Variants in LPIN1 observed in about 807,000 individuals in gnomAD.
The protein encoded by LPIN1 is lipin 1.
In LPIN1, 71 loss-of-function variants were observed where a neutral mutation model predicts 107.5. The observed-to-expected ratio is 0.66, with a 90% confidence interval of 0.55 to 0.80. LPIN1 has a LOEUF of 0.80. LPIN1 is among the 30% of genes least tolerant of loss of function. The pLI, the probability that LPIN1 is intolerant of heterozygous loss-of-function variation, is 0.00. For missense variants in LPIN1, 1,043 were observed against 1,160.6 expected (o/e 0.90, Z 1.47); for synonymous variants, 445 against 452.6 (o/e 0.98, Z 0.21).
intron 1 of LPIN1, among the ~76,000 whole-genome samples, chr2:11,678,748 C>T (rs944952748): frequency 2.0e-5 from 3 of 152,194 alleles, no homozygotes; most frequent in East Asian, 1.9e-4. Flanking sequence ...AGAAAGGAGG[C>T]GTGGATCCTG....
At chr2:11,795,522 C>G (rs1299211921) in intron 14 of LPIN1, 35 bp downstream of exon 14, 1 of 1,581,226 alleles carries the variant, frequency 6.3e-7, no homozygotes, top group East Asian at 2.2e-5. Context: ...GTTTGCAGCC[C>G]CTTTCCGCAT....
intron 1 of LPIN1, among the ~76,000 whole-genome samples, chr2:11,749,217 T>C (rs769701040): frequency 6.6e-6 from 1 of 152,144 alleles, no homozygotes; most frequent in Non-Finnish European, 1.5e-5. Flanking sequence ...CAGGTGCCTA[T>C]CGGATGGCTG....
At chr2:11,813,319 A>G (rs1209232653) in intron 17 of LPIN1, among the ~76,000 whole-genome samples, 1 of 152,224 alleles carries the variant, frequency 6.6e-6, no homozygotes, top group Non-Finnish European at 1.5e-5. Context: ...ATTCAAAATG[A>G]TATCACTTAG....
chr2:11,714,002 G>A lies in LPIN1; in HGVS notation c.138+190G>A, dbSNP rs1467000649. On this transcript the variant is annotated intron_variant, in intron 2 of 21. Coordinates refer to the LPIN1 transcript ENST00000449576. ...GGATGCTTGATTAGCTCCCCATGGA[G>A]CTGTGAACATTTTGGCTGGTTTCTA... is the stretch of plus-strand genomic sequence containing the variant. Among the ~76,000 whole-genome samples the A allele has an allele frequency of 2.0e-5, 3 of 152,202 alleles. No homozygotes were observed. The East Asian group carries it at 5.8e-4, about 29-fold the overall frequency.
At chr2:11,820,651 T>G (rs1357712047) in intron 20 of LPIN1, 137 bp downstream of exon 20, 3 of 660,980 alleles carry the variant, frequency 4.5e-6, no homozygotes, top group Non-Finnish European at 8.1e-6. Flanking sequence ...AAAAATGTAT[T>G]TTAACTCCTT....
intron 14 of LPIN1, among the ~76,000 whole-genome samples, chr2:11,799,355 T>A (rs1677282502): frequency 6.6e-6 from 1 of 151,872 alleles, no homozygotes; most frequent in Admixed American, 6.6e-5. Context: ...GAGCTTTGCT[T>A]CACATTTGGA....
intron 18 of LPIN1, chr2:11,816,219 C>T (rs978316391): frequency 2.0e-5 from 3 of 152,060 alleles, no homozygotes; most frequent in Non-Finnish European, 2.9e-5. Flanking sequence ...AGCTTTTTTC[C>T]TGTAGTAAAA....
chr2:11,766,477 G>A (rs576608255), intron 2 of LPIN1, among the ~76,000 whole-genome samples: 21 of 152,276 alleles, frequency 1.4e-4, no homozygotes, highest in Middle Eastern at 3.4e-3. Context: ...TTGAGGAAGG[G>A]GCAAAGAGAC....
At chr2:11,679,798 TG>T (rs1390528528) in intron 1 of LPIN1, among the ~76,000 whole-genome samples, 1 of 152,228 alleles carries the variant, frequency 6.6e-6, no homozygotes, top group African/African-American at 2.4e-5. Flanking sequence ...TGAAGGGTGA[TG>T]GGGGCCGGGG....
intron 1 of LPIN1, among the ~76,000 whole-genome samples, chr2:11,763,866 C>T (rs986925392): frequency 5.4e-5 from 8 of 148,382 alleles, no homozygotes; most frequent in East Asian, 2.0e-4. Context: ...CCTCCAAGCC[C>T]GCCTCCAGCG....
At chr2:11,776,681 T>C (rs1274625469) in intron 6 of LPIN1, among the ~76,000 whole-genome samples, 1 of 152,246 alleles carries the variant, frequency 6.6e-6, no homozygotes, top group African/African-American at 2.4e-5. Context: ...TCAGACACTT[T>C]CCACAGCATT....
intron 13 of LPIN1, 135 bp from the exon 14 acceptor site, chr2:11,795,273 C>T (rs187012405): frequency 3.6e-5 from 27 of 747,350 alleles, no homozygotes; most frequent in East Asian, 2.7e-4. Flanking sequence ...CCTGGGCGAT[C>T]GCTAGGGTGG....
chr2:11,788,703 A>G (rs545751187), intron 12 of LPIN1, among the ~76,000 whole-genome samples: 67 of 152,284 alleles, frequency 4.4e-4, no homozygotes, highest in African/African-American at 1.6e-3. Context: ...TCCTTTCTCA[A>G]TATCTGCCAT....
rs1678085336 is a variant in LPIN1, at chr2:11,803,188, C to A, written c.2013+155C>A. ...AACTGGGTACCCGCTGTTTCCACCC[C>A]AACTCCAGCACTATCCAGGCTGGGT... On this transcript the variant is annotated intron_variant, in intron 15 of 20. Coordinates refer to ENST00000674199, the MANE Select transcript of LPIN1 (RefSeq NM_001349206.2). This position sits in a 1 kb window ranked among gnomAD's most constrained non-coding sequence, Gnocchi z 4.2. Among the ~76,000 whole-genome samples, 1 of 152,232 alleles carries A rather than the reference C, an allele frequency of 6.6e-6. No individual in the cohort carries two copies. Among genetic ancestry groups the A allele is most frequent in the Admixed American group, 6.5e-5 (1 of 15,286 alleles).
At chr2:11,694,426 T>C (rs1332903367) in intron 1 of LPIN1, among the ~76,000 whole-genome samples, 1 of 152,182 alleles carries the variant, frequency 6.6e-6, no homozygotes, top group Non-Finnish European at 1.5e-5. Context: ...TGCTCCAGCA[T>C]CTTGGTAAAG....
intron 6 of LPIN1, chr2:11,777,242 G>A (rs1050394533): frequency 6.6e-6 from 1 of 152,150 alleles, no homozygotes; most frequent in Non-Finnish European, 1.5e-5. Flanking sequence ...AGTGACGGTC[G>A]GCAGAAAGCG....
intron 13 of LPIN1, 25 bp downstream of exon 13, chr2:11,792,031 C>T (rs987774799): frequency 1.3e-6 from 2 of 1,596,802 alleles, no homozygotes; most frequent in Middle Eastern, 1.7e-4. Context: ...CAAAGCAGTG[C>T]TCACACTTAG....
intron 1 of LPIN1, among the ~76,000 whole-genome samples, chr2:11,752,781 GC>G (rs1299121451): frequency 1.1e-4 from 17 of 152,140 alleles, no homozygotes; most frequent in Middle Eastern, 3.2e-3. Context: ...GCTGGTGTTG[GC>G]AAAAATTGTG....
rs1678322179 is a variant in LPIN1, at chr2:11,804,569, C to T, written c.2160C>T (p.Thr720=). The T allele has an allele frequency of 3.1e-6, 5 of 1,613,932 alleles. No homozygotes were observed. The South Asian group carries it at 3.3e-5, about 11-fold the overall frequency. ...VIISDIDGTI[T]RSDTLGHILP... ...TTTCTGATATTGATGGGACAATTAC[C>T]AGGTAGGTCCTGCTGACTTGGGGCC... The change falls in exon 16 of 21, where the codon ACC becomes ACT. Residue 720 remains threonine, a splice_region_variant and synonymous_variant. Coordinates refer to ENST00000674199, the MANE Select transcript of LPIN1 (RefSeq NM_001349206.2).
Sources: allele counts gnomAD v4.1 joint callset (sites outside exome capture counted in the v4.1 genomes callset), GRCh38; gene constraint gnomAD v4.1.1; non-coding constraint Gnocchi (gnomAD v3.1); transcripts MANE v1.5; gene names NCBI Gene and HGNC (gene_info 2026-07-23, HGNC 2026-07-21).